Variants in DLL4 observed in about 807,000 individuals in gnomAD.
The protein encoded by DLL4 is delta-like protein 4.
Under a neutral mutation model 73.6 loss-of-function variants are expected in DLL4, and 7 were observed. The ratio of observed to expected loss-of-function variants is 0.10; its 90% CI spans 0.05 to 0.18. DLL4 has a LOEUF of 0.18. Ranked by LOEUF, DLL4 falls within the 10% of genes least tolerant of loss-of-function variation. The pLI, the probability that DLL4 is intolerant of heterozygous loss-of-function variation, is 1.00. For missense variants in DLL4, 614 were observed against 929.9 expected (o/e 0.66, Z 4.42); for synonymous variants, 345 against 374.3 (o/e 0.92, Z 0.90).
intron 3 of DLL4, chr15:40,931,200 G>T: frequency 2.1e-6 from 1 of 470,834 alleles, no homozygotes; most frequent in Non-Finnish European, 3.8e-6. Flanking sequence ...TTTCCATTTT[G>T]ACCTCTTTTC....
Position 40,930,134 on chromosome 15 carries a change from G to T in DLL4, c.336+18G>T, listed in dbSNP as rs1892743987. 3 of 1,600,890 alleles carry T rather than the reference G, an allele frequency of 1.9e-6. No homozygotes were observed. Among genetic ancestry groups the T allele is most frequent in the Non-Finnish European group, 2.6e-6 (3 of 1,174,362 alleles). ...CCTGGCCGGTGAGCACAGCCTGGGCGCACTGGGAGGTCGCAGAAGCCGAGA... is the reference window on the plus strand; with the variant it reads ...CCTGGCCGGTGAGCACAGCCTGGGCTCACTGGGAGGTCGCAGAAGCCGAGA... On this transcript the variant is annotated intron_variant, in intron 2 of 10. Coordinates refer to ENST00000249749, the MANE Select transcript of DLL4 (RefSeq NM_019074.4). The surrounding 1 kb of genome is among the most constrained non-coding windows in gnomAD (Gnocchi z 5.7).
At position 40,933,166 on chromosome 15, in the gene DLL4, G is replaced by A. The variant is rs1892793179; in HGVS notation, c.850+719G>A. Among the ~76,000 whole-genome samples the A allele has an allele frequency of 2.0e-5, 3 of 152,186 alleles. No individual in the cohort carries two copies. In the South Asian group the frequency reaches 6.2e-4, roughly 31 times the overall value. On this transcript the variant is annotated intron_variant, in intron 6 of 10. Coordinates refer to ENST00000249749, the MANE Select transcript of DLL4 (RefSeq NM_019074.4). ...GTGCACCTGCTGCCCAGAGACACCG[G>A]CGCAGGCCTGGGTAGGGTGGGCAGA... is the stretch of plus-strand genomic sequence containing the variant.
chr15:40,935,828 G>A (rs1325319105), intron 8 of DLL4, among the ~76,000 whole-genome samples: 1 of 152,182 alleles, frequency 6.6e-6, no homozygotes, highest in South Asian at 2.1e-4. Flanking sequence ...CCAAACATGG[G>A]CTCTTGCCTT....
rs1191643194 is a variant in DLL4, at chr15:40,934,288, T to G, written c.851-260T>G. 2.9e-5 allele frequency among the ~76,000 whole-genome samples: 4 copies of G among 137,014 alleles called. No homozygotes were observed. The East Asian group carries it at 6.3e-4, about 21-fold the overall frequency. The allele number at this position is 137,014 out of a possible 152,430, so 89.9% of individuals were successfully genotyped here. ...TTGTAGTGAGCCTATATCACATCAC[T>G]GCACTCCAGCCTGGGCGACAGAGTG... is the stretch of plus-strand genomic sequence containing the variant. On this transcript the variant is annotated intron_variant, in intron 6 of 10. Transcript: ENST00000249749.
At position 40,937,859 on chromosome 15, in the gene DLL4, G is replaced by A. The variant is rs56038127; in HGVS notation, c.2053-170G>A. 0.02 allele frequency among the ~76,000 whole-genome samples: 3,053 copies of A among 152,248 alleles called. 54 individuals carry two copies. The highest frequency in any genetic ancestry group is 0.04 in the African/African-American group (1,675 of 41,558). ...GGCTTCCTCCATTGACCTCATGAGC[G>A]CAAGCTCCCAGGCCCGTGTGTGTGT... On this transcript the variant is annotated intron_variant, in intron 10 of 10. Coordinates refer to ENST00000249749, the MANE Select transcript of DLL4 (RefSeq NM_019074.4).
At position 40,936,634 on chromosome 15, in the gene DLL4, A is replaced by G. The variant is rs1892849455; in HGVS notation, c.1647A>G (p.Ala549=). The G allele has an allele frequency of 6.2e-7, 1 of 1,610,892 alleles. No individual in the cohort carries two copies. Among genetic ancestry groups the G allele is most frequent in the South Asian group, 1.1e-5 (1 of 90,936 alleles). ...TGCTGGTACTGCTGGGCATGGTGGC[A>G]GTGGCTGTGCGGCAGCTGCGGCTTC... is the stretch of plus-strand genomic sequence containing the variant. ...AVLLVLLGMV[A]VAVRQLRLRR... Residue 549 remains alanine (A), a synonymous_variant, in exon 9 of 11, where the codon GCA becomes GCG. Coordinates refer to ENST00000249749, the MANE Select transcript of DLL4 (RefSeq NM_019074.4).
In DLL4 at chr15:40,938,084, C is replaced by T. The variant is rs565988853; in HGVS notation, c.*50C>T. ...TGCTCAGCCCCGCGGCTGGACCTTC[C>T]TTCTGCATTGTTTACATTGCATCCT... is the stretch of plus-strand genomic sequence containing the variant. On this transcript the variant is annotated 3_prime_UTR_variant, in exon 11 of 11. Transcript: ENST00000249749. 3.8e-5 allele frequency: 58 copies of T among 1,509,242 alleles called. No homozygotes were observed. In the Admixed American group the frequency reaches 1.2e-3, roughly 32 times the overall value. The allele number at this position is 1,509,242 out of a possible 1,614,324, so 93.5% of individuals were successfully genotyped here. A position where few individuals can be genotyped will look rare whatever the true frequency, so the allele number is the denominator to read the frequency against.
chr15:40,931,271 C>T, intron 3 of DLL4: 1 of 585,630 alleles, frequency 1.7e-6, no homozygotes, highest in South Asian at 2.1e-5. Context: ...TTCTATTGTC[C>T]CCTTTTTGAA....
In DLL4 at chr15:40,932,416, T is replaced by G. The variant is rs1450986617; in HGVS notation, c.819T>G (p.Asp273Glu). Residue 273 changes from aspartate to glutamate, a missense_variant, in exon 6 of 11, where the codon GAT (aspartate) becomes GAG (glutamate). This residue lies in a region of DLL4 where 227 missense variants were observed against 370.8 expected (regional missense o/e 0.61). Transcript: ENST00000249749. ...GCACTCCCTGGCAATGTACTTGTGA[T>G]GAGGGCTGGGGAGGCCTGTTTTGTG... ...TCSTPWQCTCDEGWGGLFCDQ... is the reference protein window; with the variant it reads ...TCSTPWQCTCEEGWGGLFCDQ... The G allele has an allele frequency of 1.9e-6, 3 of 1,613,928 alleles. No individual in the cohort carries two copies. Among genetic ancestry groups the G allele is most frequent in the East Asian group, 2.2e-5 (1 of 44,884 alleles).
intron 3 of DLL4, 127 bp from the exon 4 acceptor site, chr15:40,931,376 A>T (rs1317042002): frequency 1.7e-6 from 2 of 1,204,570 alleles, no homozygotes; most frequent in African/African-American, 3.0e-5. Context: ...GGCGGGGGTC[A>T]TCTGGATAAC....
At chr15:40,932,497 G>A (rs1310806228) in intron 6 of DLL4, 50 bp downstream of exon 6, 12 of 1,603,500 alleles carry the variant, frequency 7.5e-6, no homozygotes, top group Non-Finnish European at 8.5e-6. Flanking sequence ...ATATGGGGCT[G>A]GGGGGTGGAA....
At position 40,930,206 on chromosome 15, in the gene DLL4, C is replaced by T. The variant is rs1246456945; in HGVS notation, c.336+90C>T. The T allele has an allele frequency of 1.4e-6, 2 of 1,444,202 alleles. No individual in the cohort carries two copies. Among genetic ancestry groups the T allele is most frequent in the African/African-American group, 2.8e-5 (2 of 70,966 alleles). 89.5% of individuals were successfully genotyped at this position (1,444,202 alleles called of 1,614,324 possible). ...AGCCCCCTCCCCAGATTTCCTTGTACACACACCCCCACCCCCAAAAAGCCC... is the reference window on the plus strand; with the variant it reads ...AGCCCCCTCCCCAGATTTCCTTGTATACACACCCCCACCCCCAAAAAGCCC... On this transcript the variant is annotated intron_variant, in intron 2 of 10. Transcript: ENST00000249749. The surrounding 1 kb of genome is among the most constrained non-coding windows in gnomAD (Gnocchi z 5.7).
rs760119169 is a variant in DLL4 at position 40,934,641 on chromosome 15, G to A, written c.944G>A (p.Gly315Asp). 1 of 1,613,972 alleles carries A rather than the reference G, an allele frequency of 6.2e-7. No homozygotes were observed. Among genetic ancestry groups the A allele is most frequent in the East Asian group, 2.2e-5 (1 of 44,884 alleles). The change falls in exon 7 of 11, where the codon GGC (glycine) becomes GAC (aspartate). Residue 315 changes from glycine (G) to aspartate (D), a missense_variant. Transcript: ENST00000249749. The stretch of plus-strand genomic sequence containing the variant: ...AGCTACACCTGCACCTGTCGCCCAG[G>A]CTACACTGGTGTGGACTGTGAGCTG... The part of the protein sequence containing the change: ...QRSYTCTCRP[G>D]YTGVDCELEL...
chr15:40,936,721 C>T lies in DLL4; in HGVS notation c.1734C>T (p.Asn578=), dbSNP rs762082862. ...MNNLSDFQKD[N]LIPAAQLKNT... ...ACTTGTCGGACTTCCAGAAGGACAA[C>T]CTGATTCCTGCCGCCCAGCTTAAAA... Residue 578 remains asparagine, a synonymous_variant, in exon 9 of 11, where the codon AAC becomes AAT. Transcript: ENST00000249749. 18 of 1,613,738 alleles carry T rather than the reference C, an allele frequency of 1.1e-5. No homozygotes were observed. The highest frequency in any genetic ancestry group is 1.6e-4 in the Middle Eastern group (1 of 6,084).
chr15:40,934,507 T>A (rs1174132213), intron 6 of DLL4, 41 bp from the exon 7 acceptor site: 2 of 1,602,566 alleles, frequency 1.2e-6, no homozygotes, highest in African/African-American at 2.7e-5. Flanking sequence ...GGTGAGTGCA[T>A]TCCCTGGCCC....
At position 40,931,511 on chromosome 15, in the gene DLL4, C is replaced by T. The variant is rs1266769157; in HGVS notation, c.403C>T (p.Pro135Ser). The T allele has an allele frequency of 6.2e-7, 1 of 1,607,792 alleles. No individual in the cohort carries two copies. Among genetic ancestry groups the T allele is most frequent in the Non-Finnish European group, 8.5e-7 (1 of 1,177,360 alleles). Residue 135 changes from proline (P) to serine (S), a missense_variant, in exon 4 of 11, where the codon CCA becomes TCA. Transcript: ENST00000249749. ...PGDDLRPEALPPDALISKIAI... is the reference protein window; with the variant it reads ...PGDDLRPEALSPDALISKIAI... ...ACCCTCTGCCCCCTCAGAGGCCTTG[C>T]CACCAGATGCACTCATCAGCAAGAT...
rs539367310 is a variant in DLL4, at chr15:40,938,455, G to A, written c.*421G>A. On this transcript the variant is annotated 3_prime_UTR_variant, in exon 11 of 11. Coordinates refer to ENST00000249749, the MANE Select transcript of DLL4 (RefSeq NM_019074.4). ...GCCCAGGCTCCACGGCGACAGTTGG[G>A]CCCAAATCAGAAAGGAGAGAGGGGG... 1.2e-5 allele frequency: 2 copies of A among 162,266 alleles called. No individual in the cohort carries two copies. The highest frequency in any genetic ancestry group is 3.5e-4 in the East Asian group (2 of 5,754). The allele number at this position is 162,266 out of a possible 1,614,324, so 10.1% of individuals were successfully genotyped here.
Position 40,934,890 on chromosome 15 carries a change from C to G in DLL4, c.1021-8C>G. 1.9e-6 allele frequency: 3 copies of G among 1,612,756 alleles called. No individual in the cohort carries two copies. Among genetic ancestry groups the G allele is most frequent in the East Asian group, 2.2e-5 (1 of 44,860 alleles). ...TCTGACTTTGGCCCCTTTATGGTCTCTCTCCAGGACCAGGAGGATGGCTAC... is the reference window on the plus strand; with the variant it reads ...TCTGACTTTGGCCCCTTTATGGTCTGTCTCCAGGACCAGGAGGATGGCTAC... On this transcript the variant is annotated splice_region_variant and splice_polypyrimidine_tract_variant and intron_variant, in intron 7 of 10. Transcript: ENST00000249749.
Position 40,936,656 on chromosome 15 carries a change from C to T in DLL4, c.1669C>T (p.Leu557Phe). 1 of 1,612,242 alleles carries T rather than the reference C, an allele frequency of 6.2e-7. No individual in the cohort carries two copies. The highest frequency in any genetic ancestry group is 8.5e-7 in the Non-Finnish European group (1 of 1,179,788). Residue 557 changes from leucine to phenylalanine, a missense_variant, in exon 9 of 11, where the codon CTT (leucine) becomes TTT (phenylalanine). This residue lies in a region of DLL4 where 386 missense variants were observed against 541.3 expected (regional missense o/e 0.71). Coordinates refer to ENST00000249749, the MANE Select transcript of DLL4 (RefSeq NM_019074.4). Reference protein sequence around the residue: ...MVAVAVRQLRLRRPDDGSREA... With the variant: ...MVAVAVRQLRFRRPDDGSREA... The stretch of plus-strand genomic sequence containing the variant: ...GGCAGTGGCTGTGCGGCAGCTGCGG[C>T]TTCGACGGCCGGACGACGGCAGCAG...
Sources: allele counts gnomAD v4.1 joint callset (sites outside exome capture counted in the v4.1 genomes callset), GRCh38; gene constraint gnomAD v4.1.1; regional missense constraint gnomAD v4.1.1; non-coding constraint Gnocchi (gnomAD v3.1); transcripts MANE v1.5; gene names NCBI Gene and HGNC (gene_info 2026-07-23, HGNC 2026-07-21).